OCIAD1: variants seen among roughly 807,000 people sequenced by gnomAD.
OCIAD1 encodes OCIA domain containing 1.
Under a neutral mutation model 38.9 loss-of-function variants are expected in OCIAD1, and 29 were observed. That is an observed-to-expected ratio of 0.74 (90% confidence interval 0.55 to 1.02). The LOEUF is 1.02. OCIAD1 is among the 50% of genes least tolerant of loss of function. The probability of loss-of-function intolerance (pLI) is 0.00; values close to 1 mark genes in which losing one functional copy is unlikely to be tolerated. For synonymous variants in OCIAD1, 110 were observed against 92.0 expected, an observed-to-expected ratio of 1.20 and a Z score of -1.12; for missense variants, 288 against 289.6, an observed-to-expected ratio of 0.99 and a Z score of 0.04.
At chr4:48,817,977 G>A (rs970579978) in intron 1 of OCIAD1, among the ~76,000 whole-genome samples, 2 of 152,220 alleles carry the variant, frequency 1.3e-5, no homozygotes, top group African/African-American at 4.8e-5. Context: ...TGTGGGCGCA[G>A]CTTCAGCGGA....
At chr4:48,812,138 C>T (rs1424120644) in intron 1 of OCIAD1, among the ~76,000 whole-genome samples, 1 of 151,388 alleles carries the variant, frequency 6.6e-6, no homozygotes, top group Non-Finnish European at 1.5e-5. Context: ...AAAAAATTAG[C>T]CAGGCTTGGT....
intron 5 of OCIAD1, among the ~76,000 whole-genome samples, chr4:48,849,593 G>A (rs1222093847): frequency 6.6e-6 from 1 of 152,130 alleles, no homozygotes. Flanking sequence ...TTTAGAACTA[G>A]AAATAAATAA....
rs773579096 is a variant in OCIAD1 at position 48,857,203 on chromosome 4, G to T, written c.548-10G>T. The T allele has an allele frequency of 1.2e-5, 18 of 1,503,912 alleles. No homozygotes were observed. In the African/African-American group the frequency reaches 2.6e-4, roughly 21 times the overall value. 93.2% of individuals were successfully genotyped at this position (1,503,912 alleles called of 1,614,324 possible). A position where few individuals can be genotyped will look rare whatever the true frequency, so the allele number is the denominator to read the frequency against. On this transcript the variant is annotated splice_polypyrimidine_tract_variant and intron_variant, in intron 7 of 8. Coordinates refer to ENST00000264312, the MANE Select transcript of OCIAD1 (RefSeq NM_017830.4). ...TTTTATTACCATTTATTAACTGTTT[G>T]TTGTTTTAGGACCTGATCCCAACCT...
At chr4:48,849,192 G>T (rs1424972808) in intron 5 of OCIAD1, among the ~76,000 whole-genome samples, 1 of 152,106 alleles carries the variant, frequency 6.6e-6, no homozygotes, top group East Asian at 1.9e-4. Flanking sequence ...TATACCTAAT[G>T]TAAACGACGA....
At chr4:48,812,253 A>G (rs1276243451) in intron 1 of OCIAD1, among the ~76,000 whole-genome samples, 2 of 119,560 alleles carry the variant, frequency 1.7e-5, no homozygotes, top group African/African-American at 6.3e-5. Context: ...ACTGCACTCC[A>G]GTCTGGGCAA....
intron 1 of OCIAD1, among the ~76,000 whole-genome samples, chr4:48,822,020 T>C (rs1343714832): frequency 6.6e-6 from 1 of 152,222 alleles, no homozygotes; most frequent in Non-Finnish European, 1.5e-5. Context: ...CCAATGACTT[T>C]CTTCACAGAA....
At chr4:48,815,723 C>A (rs572723332) in intron 1 of OCIAD1, among the ~76,000 whole-genome samples, 12 of 152,348 alleles carry the variant, frequency 7.9e-5, no homozygotes, top group African/African-American at 2.6e-4. Context: ...AACTAGACAG[C>A]AGCTCAGAAA....
chr4:48,813,307 G>A (rs1182917822), intron 1 of OCIAD1, among the ~76,000 whole-genome samples: 1 of 152,198 alleles, frequency 6.6e-6, no homozygotes, highest in African/African-American at 2.4e-5. Context: ...GGGCAAAACA[G>A]GTAAACAAAC....
intron 1 of OCIAD1, among the ~76,000 whole-genome samples, chr4:48,811,819 A>G (rs1777091083): frequency 6.6e-6 from 1 of 152,234 alleles, no homozygotes; most frequent in Non-Finnish European, 1.5e-5. Context: ...ATAGCTTTCA[A>G]ATGAGATGAA....
At chr4:48,832,544 A>G in intron 1 of OCIAD1, 76 bp from the exon 2 acceptor site, 3 of 1,061,744 alleles carry the variant, frequency 2.8e-6, no homozygotes, top group Admixed American at 3.4e-5. Context: ...TAGTTTTACT[A>G]TATCATACGT....
chr4:48,849,340 A>T (rs1375816198), intron 5 of OCIAD1, among the ~76,000 whole-genome samples: 4 of 152,058 alleles, frequency 2.6e-5, no homozygotes, highest in Non-Finnish European at 4.4e-5. Flanking sequence ...AAGAAGCTAC[A>T]TTGCTCTTCA....
intron 3 of OCIAD1, among the ~76,000 whole-genome samples, chr4:48,838,608 C>T (rs530647073): frequency 3.3e-5 from 5 of 152,188 alleles, no homozygotes; most frequent in South Asian, 4.1e-4. Flanking sequence ...TTTGTACTTT[C>T]GAATTAGATA....
intron 7 of OCIAD1, among the ~76,000 whole-genome samples, chr4:48,855,572 C>T (rs1779957058): frequency 6.6e-6 from 1 of 152,050 alleles, no homozygotes; most frequent in South Asian, 2.1e-4. Context: ...AATCCCAGCA[C>T]TTTGGGAGGC....
chr4:48,808,323 A>T (rs1254966713), intron 1 of OCIAD1, among the ~76,000 whole-genome samples: 1 of 152,120 alleles, frequency 6.6e-6, no homozygotes, highest in Non-Finnish European at 1.5e-5. Flanking sequence ...CAAAAAAATT[A>T]GCTGGGTGTG....
At chr4:48,828,798 G>A (rs1777278969), upstream of OCIAD1, among the ~76,000 whole-genome samples, 1 of 152,180 alleles carries the variant, frequency 6.6e-6, no homozygotes, top group Non-Finnish European at 1.5e-5. Context: ...CCATCTTTAA[G>A]AACTGTAACG....
chr4:48,844,531 G>A (rs1275366966), intron 4 of OCIAD1, among the ~76,000 whole-genome samples: 3 of 152,046 alleles, frequency 2.0e-5, no homozygotes, highest in South Asian at 2.1e-4. Context: ...CAGGAGAATC[G>A]CTTGAACCCA....
intron 1 of OCIAD1, among the ~76,000 whole-genome samples, chr4:48,805,986 G>A (rs749411821): frequency 1.3e-5 from 2 of 152,278 alleles, no homozygotes; most frequent in South Asian, 4.1e-4. Context: ...AAAACAGGCC[G>A]GGCATGGTGG....
intron 1 of OCIAD1, chr4:48,831,629 A>G (rs1475159122): frequency 9.3e-7 from 1 of 1,071,886 alleles, no homozygotes; most frequent in Non-Finnish European, 1.3e-6. Flanking sequence ...CAGCCCTGAC[A>G]GTCTTCCTGG....
At chr4:48,805,389 A>T (rs1164960056) in intron 1 of OCIAD1, 3 of 152,192 alleles carry the variant, frequency 2.0e-5, no homozygotes, top group Non-Finnish European at 4.4e-5. Context: ...TGAGCCACAA[A>T]AACTGCGAGA....
Sources: allele counts gnomAD v4.1 joint callset (sites outside exome capture counted in the v4.1 genomes callset), GRCh38; gene constraint gnomAD v4.1.1; transcripts MANE v1.5; gene names NCBI Gene and HGNC (gene_info 2026-07-23, HGNC 2026-07-21).